The following FRMD6 variants were observed in gnomAD, a reference collection of about 807,000 sequenced individuals.
FRMD6 encodes the protein FERM domain-containing protein 6.
Under a neutral mutation model 73.2 loss-of-function variants are expected in FRMD6, and 37 were observed. The ratio of observed to expected loss-of-function variants is 0.51; its 90% CI spans 0.39 to 0.66. The LOEUF (loss-of-function observed/expected upper bound fraction) is 0.66, where lower values mean the gene tolerates loss of function less well. Ranked by LOEUF, FRMD6 falls within the 30% of genes least tolerant of loss-of-function variation. FRMD6 has a pLI of 0.00. For synonymous variants in FRMD6, 273 were observed against 282.2 expected (o/e 0.97, Z 0.33); for missense variants, 714 against 780.5 (o/e 0.91, Z 1.02).
chr14:51,540,924 A>C (rs1051225733), intron 1 of FRMD6, among the ~76,000 whole-genome samples: 1 of 152,138 alleles, frequency 6.6e-6, no homozygotes, highest in South Asian at 2.1e-4. Flanking sequence ...ATGAAAGCAC[A>C]ATACTCAAAT....
chr14:51,709,076 C>G (rs1289781729), intron 7 of FRMD6, among the ~76,000 whole-genome samples: 2 of 152,128 alleles, frequency 1.3e-5, no homozygotes, highest in African/African-American at 4.8e-5. Context: ...TTTCACTATT[C>G]CATAAGTGCC....
At chr14:51,549,237 G>A (rs1022175532) in intron 1 of FRMD6, among the ~76,000 whole-genome samples, 2 of 152,156 alleles carry the variant, frequency 1.3e-5, no homozygotes, top group African/African-American at 2.4e-5. Flanking sequence ...ATGGATGAAT[G>A]AGTGGATGAA....
At chr14:51,464,892 T>C in the FRMD6 span, among the ~76,000 whole-genome samples, 1 of 151,974 alleles carries the variant, frequency 6.6e-6, no homozygotes, top group Admixed American at 6.6e-5. Context: ...CCAAGAGAAA[T>C]TGCATGCAGA....
chr14:51,470,906 C>A, the FRMD6 span, among the ~76,000 whole-genome samples: 1 of 152,102 alleles, frequency 6.6e-6, no homozygotes, highest in South Asian at 2.1e-4. Flanking sequence ...ATTTATTGTC[C>A]AGCATATGGC....
intron 2 of FRMD6, among the ~76,000 whole-genome samples, chr14:51,692,161 A>G (rs1199244062): frequency 1.3e-5 from 2 of 152,098 alleles, no homozygotes; most frequent in South Asian, 2.1e-4. Context: ...AGAATTTCCA[A>G]TGATTAGCTA....
intron 6 of FRMD6, 44 bp from the exon 7 acceptor site, chr14:51,708,034 C>T: frequency 6.3e-7 from 1 of 1,596,256 alleles, no homozygotes; most frequent in Non-Finnish European, 8.6e-7. Flanking sequence ...GAACTTACAT[C>T]TCTCCAACAA....
At chr14:51,513,529 C>G (rs533934846) in intron 1 of FRMD6, among the ~76,000 whole-genome samples, 18 of 152,276 alleles carry the variant, frequency 1.2e-4, no homozygotes, top group African/African-American at 4.1e-4. Context: ...AGTTCAAAGT[C>G]TGGATGGCAG....
At chr14:51,453,920 A>T in the FRMD6 span, among the ~76,000 whole-genome samples, 1 of 152,194 alleles carries the variant, frequency 6.6e-6, no homozygotes, top group East Asian at 1.9e-4. Context: ...TGAGTTTAGA[A>T]ATCACAGAGG....
chr14:51,495,185 G>A (rs1013553056), intron 1 of FRMD6, among the ~76,000 whole-genome samples: 6 of 152,148 alleles, frequency 3.9e-5, no homozygotes, highest in Admixed American at 3.3e-4. Flanking sequence ...TTGCCACTTT[G>A]TGACAAGGAT....
the FRMD6 span, among the ~76,000 whole-genome samples, chr14:51,456,567 C>G: frequency 5.1e-4 from 78 of 152,230 alleles, no homozygotes; most frequent in African/African-American, 1.8e-3. Flanking sequence ...GGGCATTTCT[C>G]TAATGACCAG....
At chr14:51,453,957 A>G in the FRMD6 span, among the ~76,000 whole-genome samples, 7 of 152,162 alleles carry the variant, frequency 4.6e-5, no homozygotes, top group African/African-American at 1.7e-4. Context: ...CTGGAGACAC[A>G]TGCTTTAAGA....
At chr14:51,673,415 AC>A (rs1894162615) in intron 1 of FRMD6, among the ~76,000 whole-genome samples, 1 of 151,698 alleles carries the variant, frequency 6.6e-6, no homozygotes, top group South Asian at 2.1e-4. Flanking sequence ...TGCCTCCCAA[AC>A]TTTTCTCTTT....
intron 2 of FRMD6, among the ~76,000 whole-genome samples, chr14:51,592,665 C>A (rs748006306): frequency 6.6e-6 from 1 of 152,142 alleles, no homozygotes; most frequent in African/African-American, 2.4e-5. Flanking sequence ...TCTAGAGGCT[C>A]CTAAATCATA....
chr14:51,701,973 C>T (rs1896352466), intron 4 of FRMD6, among the ~76,000 whole-genome samples: 3 of 151,898 alleles, frequency 2.0e-5, no homozygotes. Context: ...GTTTCCAGAA[C>T]CTCCCTAGTA....
At chr14:51,468,587 C>T in the FRMD6 span, among the ~76,000 whole-genome samples, 1 of 151,934 alleles carries the variant, frequency 6.6e-6, no homozygotes, top group African/African-American at 2.4e-5. Flanking sequence ...AAAAATTTGA[C>T]ATTGTTTTTA....
chr14:51,509,153 T>C (rs1239693148), intron 1 of FRMD6, among the ~76,000 whole-genome samples: 1 of 152,228 alleles, frequency 6.6e-6, no homozygotes, highest in African/African-American at 2.4e-5. Flanking sequence ...AAAATCAATC[T>C]TGATACTTTA....
chr14:51,639,676 A>G (rs1389936593), intron 2 of FRMD6, among the ~76,000 whole-genome samples: 1 of 152,224 alleles, frequency 6.6e-6, no homozygotes, highest in Non-Finnish European at 1.5e-5. Context: ...AATGCGTTGC[A>G]TTCCTGGAAA....
At chr14:51,414,470 G>T in the FRMD6 span, among the ~76,000 whole-genome samples, 1 of 152,176 alleles carries the variant, frequency 6.6e-6, no homozygotes, top group African/African-American at 2.4e-5. Context: ...TTGTAGATGT[G>T]TGGTGTTATT....
intron 1 of FRMD6, among the ~76,000 whole-genome samples, chr14:51,555,498 C>A (rs909901420): frequency 2.0e-5 from 3 of 151,960 alleles, no homozygotes; most frequent in Non-Finnish European, 4.4e-5. Flanking sequence ...GTAGTCTGCT[C>A]CTGGTTAAAA....
Sources: gnomAD v4.1 joint callset for allele counts (sites outside exome capture counted in the v4.1 genomes callset) on GRCh38, gnomAD v4.1.1 for gene constraint, MANE v1.5 for transcripts, NCBI Gene and HGNC (gene_info 2026-07-23, HGNC 2026-07-21) for gene names.